FHIP2A: variants seen among roughly 807,000 people sequenced by gnomAD.
The protein encoded by FHIP2A is family with sequence similarity 160 member B1.
Under a neutral mutation model 93.5 loss-of-function variants are expected in FHIP2A, and 46 were observed. The ratio of observed to expected loss-of-function variants is 0.49; its 90% confidence interval spans 0.39 to 0.63. The LOEUF (loss-of-function observed/expected upper bound fraction) is 0.63. FHIP2A is among the 20% of genes least tolerant of loss of function. The probability of loss-of-function intolerance (pLI) is 0.00; values close to 1 mark genes in which losing one functional copy is unlikely to be tolerated. For missense variants in FHIP2A, 769 were observed against 909.7 expected (o/e 0.85, Z 1.99); for synonymous variants, 332 against 326.5 (o/e 1.02, Z -0.18).
intron 1 of FHIP2A, among the ~76,000 whole-genome samples, chr10:114,830,312 A>C (rs1458199635): frequency 7.6e-6 from 1 of 130,790 alleles, no homozygotes; most frequent in African/African-American, 3.1e-5. Context: ...TCGTTCTGTC[A>C]TCCAGGCTGG....
intron 1 of FHIP2A, among the ~76,000 whole-genome samples, chr10:114,826,388 A>G (rs915447238): frequency 3.9e-5 from 6 of 152,270 alleles, no homozygotes; most frequent in African/African-American, 1.4e-4. Context: ...ATATGTATAC[A>G]TTTCCATTTC....
At position 114,855,215 on chromosome 10, in the gene FHIP2A, A is replaced by G. The variant is rs1426605884; in HGVS notation, c.1822A>G (p.Ile608Val). 2 of 1,613,854 alleles carry G rather than the reference A, an allele frequency of 1.2e-6. No individual in the cohort carries two copies. Among genetic ancestry groups the G allele is most frequent in the South Asian group, 2.2e-5 (2 of 91,060 alleles). The change falls in exon 14 of 17, where the codon ATC (isoleucine) becomes GTC (valine). Residue 608 changes from isoleucine to valine, a missense_variant. Coordinates refer to ENST00000369248, the MANE Select transcript of FHIP2A (RefSeq NM_020940.4). ...CCCCTAGTTCCGAGACTACTGTGCTATCTGCTTAAGATGGGAGTGGCCTGG... is the reference window on the plus strand; with the variant it reads ...CCCCTAGTTCCGAGACTACTGTGCTGTCTGCTTAAGATGGGAGTGGCCTGG... The part of the protein sequence containing the change: ...AHRQFRDYCA[I>V]CLRWEWPGSP...
chr10:114,857,342 G>A (rs939762627), intron 14 of FHIP2A, among the ~76,000 whole-genome samples: 13 of 72,802 alleles, frequency 1.8e-4, no homozygotes, highest in South Asian at 5.1e-4. Context: ...ACCGAGTCTC[G>A]CTCTGTCACC....
At chr10:114,872,702 C>T (rs1566382829) in intron 16 of FHIP2A, among the ~76,000 whole-genome samples, 1 of 152,192 alleles carries the variant, frequency 6.6e-6, no homozygotes, top group Non-Finnish European at 1.5e-5. Flanking sequence ...TCCCACAAGG[C>T]ACTTGATTCC....
Position 114,833,403 on chromosome 10 carries a change from G to A in FHIP2A, c.294+1G>A. On this transcript the variant is annotated splice_donor_variant, in intron 3 of 16. Transcript: ENST00000369248. LOFTEE classifies it high-confidence loss of function. ...ATTATATACCTTGGGGAAAGCTGAT[G>A]TAAGTTCCTGATCCACACCATGTTC... The A allele has an allele frequency of 6.2e-7, 1 of 1,613,434 alleles. No individual in the cohort carries two copies. Among genetic ancestry groups the A allele is most frequent in the Non-Finnish European group, 8.5e-7 (1 of 1,179,662 alleles).
At chr10:114,829,886 GATATAATTTTGGGC>G (rs1242076021) in intron 1 of FHIP2A, among the ~76,000 whole-genome samples, 1 of 152,164 alleles carries the variant, frequency 6.6e-6, no homozygotes, top group African/African-American at 2.4e-5. Context: ...TGGCTGAGGG[GATATAATTTTGGGC>G]ATAAAACTTC....
chr10:114,848,795 C>T (rs2083717490), intron 13 of FHIP2A, 58 bp downstream of exon 13: 2 of 1,042,372 alleles, frequency 1.9e-6, no homozygotes, highest in Admixed American at 1.8e-5. Context: ...ATGCACACCC[C>T]TTGTCACACT....
intron 14 of FHIP2A, among the ~76,000 whole-genome samples, chr10:114,855,577 C>T (rs1404888909): frequency 2.0e-5 from 3 of 152,146 alleles, no homozygotes; most frequent in Admixed American, 6.5e-5. Flanking sequence ...CATGATAGGC[C>T]ATTGTCTTAA....
intron 13 of FHIP2A, among the ~76,000 whole-genome samples, chr10:114,851,349 T>C (rs1471552073): frequency 6.6e-6 from 1 of 152,242 alleles, no homozygotes; most frequent in African/African-American, 2.4e-5. Flanking sequence ...TTCATAGTTT[T>C]AGTTTATCCA....
At chr10:114,825,363 T>C (rs2083567224) in intron 1 of FHIP2A, among the ~76,000 whole-genome samples, 2 of 152,212 alleles carry the variant, frequency 1.3e-5, no homozygotes, top group Admixed American at 1.3e-4. Flanking sequence ...ATGTATTCAT[T>C]TAAGTGAGGC....
chr10:114,869,820 A>G (rs1332627251), intron 16 of FHIP2A, among the ~76,000 whole-genome samples: 1 of 152,234 alleles, frequency 6.6e-6, no homozygotes, highest in African/African-American at 2.4e-5. Context: ...TTTGACATTG[A>G]AATAAAAATA....
rs2083676992 is a variant in FHIP2A, at chr10:114,842,919, A to G, written c.523-14A>G. 2.0e-6 allele frequency: 3 copies of G among 1,535,470 alleles called. No individual in the cohort carries two copies. The highest frequency in any genetic ancestry group is 1.2e-5 in the South Asian group (1 of 85,406). ...TATTGATGTGAATTTTATAAAACAT[A>G]TATTCCTTTTCAGAATAAGATGAAA... is the stretch of plus-strand genomic sequence containing the variant. On this transcript the variant is annotated splice_polypyrimidine_tract_variant and intron_variant, in intron 5 of 16. Transcript: ENST00000369248.
chr10:114,856,180 C>T (rs1024944053), intron 14 of FHIP2A, among the ~76,000 whole-genome samples: 1 of 152,132 alleles, frequency 6.6e-6, no homozygotes, highest in Non-Finnish European at 1.5e-5. Context: ...AGTAGGCTGT[C>T]TTCAGTAACT....
intron 12 of FHIP2A, among the ~76,000 whole-genome samples, chr10:114,848,185 G>A (rs1181242563): frequency 2.6e-5 from 4 of 151,792 alleles, no homozygotes; most frequent in African/African-American, 9.7e-5. Flanking sequence ...GATATACCTG[G>A]TTCTGGCAGG....
chr10:114,868,183 C>T (rs2083839978), downstream of FHIP2A, among the ~76,000 whole-genome samples: 1 of 152,196 alleles, frequency 6.6e-6, no homozygotes, highest in East Asian at 1.9e-4. Flanking sequence ...GTTCAGGGGT[C>T]CCCCAACCCC....
chr10:114,835,449 A>G (rs2083631696), intron 3 of FHIP2A, 88 bp from the exon 4 acceptor site: 8 of 728,288 alleles, frequency 1.1e-5, no homozygotes, highest in Non-Finnish European at 1.9e-5. Context: ...ATTCATATAC[A>G]TTGTCTCTCC....
chr10:114,850,210 T>G (rs1474869117), intron 13 of FHIP2A, among the ~76,000 whole-genome samples: 1 of 152,196 alleles, frequency 6.6e-6, no homozygotes, highest in African/African-American at 2.4e-5. Flanking sequence ...GTGGCACCAT[T>G]TTACATCACA....
chr10:114,840,975 T>C (rs1282145209), intron 5 of FHIP2A, among the ~76,000 whole-genome samples: 4 of 152,170 alleles, frequency 2.6e-5, no homozygotes, highest in Non-Finnish European at 5.9e-5. Context: ...ACAGTTTTAG[T>C]AGGAACCAAA....
intron 16 of FHIP2A, among the ~76,000 whole-genome samples, chr10:114,883,571 TA>T (rs1448445124): frequency 1.3e-5 from 2 of 152,210 alleles, no homozygotes; most frequent in South Asian, 2.1e-4. Context: ...ACAAGAGATT[TA>T]TTTTTTTGTT....
Sources: allele counts gnomAD v4.1 joint callset (sites outside exome capture counted in the v4.1 genomes callset), GRCh38; gene constraint gnomAD v4.1.1; transcripts MANE v1.5; gene names NCBI Gene and HGNC (gene_info 2026-07-23, HGNC 2026-07-21).